The following AGAP1 variants were observed in gnomAD, a reference collection of about 807,000 sequenced individuals.
The protein encoded by AGAP1 is arf-GAP with GTPase, ANK repeat and PH domain-containing protein 1.
Under a neutral mutation model 105.3 loss-of-function variants are expected in AGAP1, and 29 were observed. The observed-to-expected ratio is 0.28, with a 90% CI of 0.21 to 0.38. The LOEUF (loss-of-function observed/expected upper bound fraction) is 0.38. Ranked by LOEUF, AGAP1 falls within the 10% of genes least tolerant of loss-of-function variation. AGAP1 has a pLI of 1.00. For missense variants in AGAP1, 998 were observed against 1,165.1 expected (o/e 0.86, Z 2.09); for synonymous variants, 509 against 485.9 (o/e 1.05, Z -0.63).
intron 9 of AGAP1, among the ~76,000 whole-genome samples, chr2:235,811,624 C>T (rs1958144943): frequency 6.6e-6 from 1 of 152,132 alleles, no homozygotes; most frequent in Non-Finnish European, 1.5e-5. Context: ...ATTGGCATTC[C>T]TAGGGTTAGT....
Position 235,740,959 on chromosome 2 carries a change from G to T in AGAP1, c.311-4G>T. 6.2e-7 allele frequency: 1 copy of T among 1,614,172 alleles called. No homozygotes were observed. Among genetic ancestry groups the T allele is most frequent in the South Asian group, 1.1e-5 (1 of 91,088 alleles). The stretch of plus-strand genomic sequence containing the variant: ...TGTAACGAGATGTTTTGTGTGTGTG[G>T]CAGGTGGCAGGTTCAAGAAAGAGAT... On this transcript the variant is annotated splice_polypyrimidine_tract_variant and splice_region_variant and intron_variant, in intron 3 of 17. Coordinates refer to ENST00000304032, the MANE Select transcript of AGAP1 (RefSeq NM_001037131.3). The surrounding 1 kb of genome is among the most constrained non-coding windows in gnomAD (Gnocchi z 5.7).
At chr2:235,678,302 C>T (rs1948868625) in intron 1 of AGAP1, among the ~76,000 whole-genome samples, 1 of 152,202 alleles carries the variant, frequency 6.6e-6, no homozygotes, top group South Asian at 2.1e-4. Flanking sequence ...ATTGAAGACA[C>T]TCTGGATGTG....
At chr2:236,069,473 G>C (rs1211569712) in intron 16 of AGAP1, among the ~76,000 whole-genome samples, 1 of 152,174 alleles carries the variant, frequency 6.6e-6, no homozygotes, top group Non-Finnish European at 1.5e-5. Flanking sequence ...ACCCAGTCTG[G>C]AGTGCAGTGG....
intron 6 of AGAP1, among the ~76,000 whole-genome samples, chr2:235,773,026 T>A (rs1316343850): frequency 2.0e-5 from 3 of 152,172 alleles, no homozygotes; most frequent in Non-Finnish European, 2.9e-5. Flanking sequence ...GGGTCCAGGT[T>A]TTTGGCCTTT....
In AGAP1 at chr2:235,874,188, C is replaced by T. The variant is rs2049592508; in HGVS notation, c.1051-9157C>T. On this transcript the variant is annotated intron_variant, in intron 9 of 17. Coordinates refer to ENST00000304032, the MANE Select transcript of AGAP1 (RefSeq NM_001037131.3). The surrounding 1 kb of genome is among the most constrained non-coding windows in gnomAD (Gnocchi z 4.5). ...ACCTCAGCCTCCCAAGTAGCTAGGT[C>T]TACAGGCGCACACCACCATGCCCAG... 6.6e-6 allele frequency among the ~76,000 whole-genome samples: 1 copy of T among 152,154 alleles called. No individual in the cohort carries two copies.
chr2:235,621,590 G>T lies in AGAP1; in HGVS notation c.164-87589G>T, dbSNP rs1001796013. On this transcript the variant is annotated intron_variant, in intron 1 of 17. Coordinates refer to ENST00000304032, the MANE Select transcript of AGAP1 (RefSeq NM_001037131.3). This position sits in a 1 kb window ranked among gnomAD's most constrained non-coding sequence, Gnocchi z 4.1. ...GGCTGGGCTGACCCCAATGGCCCCT[G>T]CCCATCATGCATTTAGGGGCTCCTC... is the stretch of plus-strand genomic sequence containing the variant. Among the ~76,000 whole-genome samples, 8 of 152,152 alleles carry T rather than the reference G, an allele frequency of 5.3e-5. No individual in the cohort carries two copies. Among genetic ancestry groups the T allele is most frequent in the Non-Finnish European group, 1.2e-4 (8 of 68,024 alleles).
chr2:236,072,909 G>A (rs185748278), intron 16 of AGAP1, among the ~76,000 whole-genome samples: 168 of 152,250 alleles, frequency 1.1e-3, no homozygotes, highest in African/African-American at 3.9e-3. Context: ...CCTGATGGAA[G>A]TAATTTTAAT....
At chr2:236,065,587 G>T (rs570713617) in intron 16 of AGAP1, among the ~76,000 whole-genome samples, 1 of 152,350 alleles carries the variant, frequency 6.6e-6, no homozygotes, top group South Asian at 2.1e-4. Context: ...GCCCACAGGG[G>T]CTGCAGAGCT....
intron 6 of AGAP1, among the ~76,000 whole-genome samples, chr2:235,780,247 A>G (rs775686893): frequency 5.3e-5 from 8 of 152,286 alleles, no homozygotes; most frequent in South Asian, 2.1e-4. Flanking sequence ...TGAGGAATTT[A>G]GGTTTAAGAA....
intron 1 of AGAP1, among the ~76,000 whole-genome samples, chr2:235,564,151 T>C (rs963341842): frequency 6.6e-6 from 1 of 152,220 alleles, no homozygotes; most frequent in Admixed American, 6.5e-5. Context: ...TTAAAATTTA[T>C]TTATGATCGT....
intron 9 of AGAP1, among the ~76,000 whole-genome samples, chr2:235,876,151 C>T (rs1159783133): frequency 1.3e-5 from 2 of 152,138 alleles, no homozygotes; most frequent in Admixed American, 6.5e-5. Flanking sequence ...TCTCTAGCTT[C>T]CTCATTTGAA....
intron 12 of AGAP1, among the ~76,000 whole-genome samples, chr2:235,941,959 TC>T (rs1438671517): frequency 2.6e-5 from 4 of 152,068 alleles, no homozygotes; most frequent in African/African-American, 9.7e-5. Context: ...TTGCCCGTGA[TC>T]CTGAGCCAGC....
At chr2:235,818,968 T>C (rs1340370562) in intron 9 of AGAP1, among the ~76,000 whole-genome samples, 1 of 152,220 alleles carries the variant, frequency 6.6e-6, no homozygotes, top group Non-Finnish European at 1.5e-5. Context: ...CGCAGGGCTG[T>C]CCTGGAAAGT....
In AGAP1 at chr2:235,741,537, G is replaced by A. The variant is rs75266979; in HGVS notation, c.396+489G>A. The stretch of plus-strand genomic sequence containing the variant: ...TGGCCCAAGCAAGGCAGTCTCCACC[G>A]AAAGCCGGTATGAAGCATATTATGA... On this transcript the variant is annotated intron_variant, in intron 4 of 17. Transcript: ENST00000304032. This position sits in a 1 kb window ranked among gnomAD's most constrained non-coding sequence, Gnocchi z 4.9. Among the ~76,000 whole-genome samples the A allele has an allele frequency of 1.7e-3, 266 of 152,288 alleles. 3 individuals are homozygous for A. In the East Asian group the frequency reaches 0.041, roughly 24 times the overall value.
rs1474270529 is a variant in AGAP1 at position 235,904,254 on chromosome 2, G to A, written c.1156-4484G>A. On this transcript the variant is annotated intron_variant, in intron 10 of 17. Transcript: ENST00000304032. The surrounding 1 kb of genome is among the most constrained non-coding windows in gnomAD (Gnocchi z 4.2). ...AAAAACAAGGGATGGCAAAGGTGCC[G>A]GAGCAGGGTTGCAGGGGGACAGCGA... is the stretch of plus-strand genomic sequence containing the variant. 2.0e-5 allele frequency among the ~76,000 whole-genome samples: 3 copies of A among 152,188 alleles called. No homozygotes were observed. Among genetic ancestry groups the A allele is most frequent in the East Asian group, 1.9e-4 (1 of 5,190 alleles).
intron 1 of AGAP1, among the ~76,000 whole-genome samples, chr2:235,661,225 T>C (rs905096334): frequency 7.3e-5 from 11 of 151,520 alleles, no homozygotes; most frequent in African/African-American, 2.7e-4. Context: ...TGGGGAGAGA[T>C]TGGCAGGCGG....
intron 1 of AGAP1, among the ~76,000 whole-genome samples, chr2:235,616,584 CTTT>C (rs147866597): frequency 0.028 from 4,301 of 152,246 alleles, 166 homozygotes; most frequent in African/African-American, 0.096. Context: ...TGCCTATCTT[CTTT>C]TAACCCTAGA....
Position 235,874,033 on chromosome 2 carries a change from A to G in AGAP1, c.1051-9312A>G, listed in dbSNP as rs1196947541. 6.6e-6 allele frequency among the ~76,000 whole-genome samples: 1 copy of G among 151,718 alleles called. No individual in the cohort carries two copies. The highest frequency in any genetic ancestry group is 1.5e-5 in the Non-Finnish European group (1 of 67,968). ...CGTGAGCCATCACGCCCAGCCCAGA[A>G]CCGCATTCTGTTTTTTGTTTTGTTT... is the stretch of plus-strand genomic sequence containing the variant. On this transcript the variant is annotated intron_variant, in intron 9 of 17. Coordinates refer to ENST00000304032, the MANE Select transcript of AGAP1 (RefSeq NM_001037131.3). The surrounding 1 kb of genome is among the most constrained non-coding windows in gnomAD (Gnocchi z 4.5).
intron 13 of AGAP1, among the ~76,000 whole-genome samples, chr2:236,021,282 C>G (rs561462240): frequency 6.6e-6 from 1 of 152,206 alleles, no homozygotes; most frequent in Non-Finnish European, 1.5e-5. Flanking sequence ...CTAGCCCCCT[C>G]CTTTTGAAAG....
Sources: allele counts gnomAD v4.1 joint callset (sites outside exome capture counted in the v4.1 genomes callset), GRCh38; gene constraint gnomAD v4.1.1; non-coding constraint Gnocchi (gnomAD v3.1); transcripts MANE v1.5; gene names NCBI Gene and HGNC (gene_info 2026-07-23, HGNC 2026-07-21).